PAX8: variants seen among roughly 807,000 people sequenced by gnomAD.
The protein encoded by PAX8 is paired box protein Pax-8.
In PAX8, 15 loss-of-function variants were observed where a neutral mutation model predicts 52.4. The ratio of observed to expected loss-of-function variants is 0.29; its 90% confidence interval spans 0.19 to 0.44. The LOEUF (loss-of-function observed/expected upper bound fraction) is 0.44. PAX8 is among the 20% of genes least tolerant of loss of function. The probability of loss-of-function intolerance (pLI) is 1.00; values close to 1 mark genes in which losing one functional copy is unlikely to be tolerated. For synonymous variants in PAX8, 284 were observed against 249.7 expected (o/e 1.14, Z -1.29); for missense variants, 554 against 602.5 (o/e 0.92, Z 0.84).
At chr2:113,233,326 G>A (rs1352933785) in intron 9 of PAX8, among the ~76,000 whole-genome samples, 16 of 41,144 alleles carry the variant, frequency 3.9e-4, no homozygotes, top group Non-Finnish European at 5.6e-4. Flanking sequence ...TGGGATGTAC[G>A]GAGGAAAAAA....
intron 2 of PAX8, among the ~76,000 whole-genome samples, chr2:113,262,903 AT>A (rs1345357212): frequency 6.6e-6 from 1 of 152,174 alleles, no homozygotes. Flanking sequence ...GAAACAATAA[AT>A]TTCTATTATG....
At chr2:113,235,297 T>G in intron 9 of PAX8, 97 bp downstream of exon 9, 1 of 1,037,352 alleles carries the variant, frequency 9.6e-7, no homozygotes, top group South Asian at 1.6e-5. Context: ...TGGGGGTGGA[T>G]GAGACTGAGG....
chr2:113,269,839 A>G (rs1351931745), intron 2 of PAX8: 1 of 152,252 alleles, frequency 6.6e-6, no homozygotes, highest in Non-Finnish European at 1.5e-5. Context: ...CACACACAGC[A>G]TAACTGCAAA....
chr2:113,221,588 T>A (rs1329178541), intron 10 of PAX8, among the ~76,000 whole-genome samples: 1 of 152,254 alleles, frequency 6.6e-6, no homozygotes, highest in Non-Finnish European at 1.5e-5. Flanking sequence ...AAAATATGTA[T>A]TAAATGCTTA....
chr2:113,270,310 G>A (rs910847023), intron 2 of PAX8: 12 of 152,202 alleles, frequency 7.9e-5, no homozygotes. Flanking sequence ...TGTGCCAGGT[G>A]AGGAGACAGG....
intron 2 of PAX8, among the ~76,000 whole-genome samples, chr2:113,255,965 C>T (rs1421611952): frequency 6.7e-6 from 1 of 149,456 alleles, no homozygotes; most frequent in African/African-American, 2.5e-5. Context: ...GGCAGTGCTG[C>T]ATGCATATGC....
Position 113,278,420 on chromosome 2 carries a change from C to A in PAX8, c.-26G>T. On this transcript the variant is annotated 5_prime_UTR_variant, in exon 2 of 12. Coordinates refer to ENST00000429538, the MANE Select transcript of PAX8 (RefSeq NM_003466.4). ...CGCCGGGGAGTCGCTCGCAGCCCGC[C>A]GAGGGCTCGGGGCTTCCTCCCGTAG... The A allele has an allele frequency of 6.2e-7, 1 of 1,610,562 alleles. No homozygotes were observed. The highest frequency in any genetic ancestry group is 1.1e-5 in the South Asian group (1 of 90,866).
At chr2:113,245,516 T>C (rs1045029967) in intron 3 of PAX8, among the ~76,000 whole-genome samples, 1 of 152,194 alleles carries the variant, frequency 6.6e-6, no homozygotes, top group African/African-American at 2.4e-5. Flanking sequence ...AAGTTGAAGC[T>C]TCTCCTCATG....
At chr2:113,270,392 G>A (rs781273713) in intron 2 of PAX8, 6 of 152,228 alleles carry the variant, frequency 3.9e-5, no homozygotes, top group Non-Finnish European at 5.9e-5. Context: ...CAAGCCCAGA[G>A]AGACATCTGA....
intron 2 of PAX8, among the ~76,000 whole-genome samples, chr2:113,263,768 G>A (rs1692858721): frequency 6.6e-6 from 1 of 152,152 alleles, no homozygotes; most frequent in African/African-American, 2.4e-5. Context: ...GAAAGACTGT[G>A]GGTGGGCTGT....
Position 113,220,069 on chromosome 2 carries a change from CCTGGG to C in PAX8, c.1276+18_1276+22del. ...CTCCATCCATCCTGCCCAGCAGAGG[CCTGGG>C]CAGCCCCAGGGACTTACTCAGCAAG... On this transcript the variant is annotated intron_variant, in intron 11 of 11. Coordinates refer to ENST00000429538, the MANE Select transcript of PAX8 (RefSeq NM_003466.4). 6.3e-7 allele frequency: 1 copy of C among 1,575,750 alleles called. No homozygotes were observed. Among genetic ancestry groups the C allele is most frequent in the Non-Finnish European group, 8.7e-7 (1 of 1,148,858 alleles).
intron 9 of PAX8, among the ~76,000 whole-genome samples, chr2:113,230,876 C>T (rs1689849665): frequency 6.6e-6 from 1 of 152,190 alleles, no homozygotes; most frequent in African/African-American, 2.4e-5. Flanking sequence ...ATTCCATCTC[C>T]TCTACACCCA....
intron 9 of PAX8, among the ~76,000 whole-genome samples, chr2:113,233,697 A>C (rs999088688): frequency 6.6e-6 from 1 of 151,820 alleles, no homozygotes; most frequent in Non-Finnish European, 1.5e-5. Context: ...AAAAACAAAA[A>C]AAAAAGGGTC....
intron 2 of PAX8, among the ~76,000 whole-genome samples, chr2:113,247,243 G>C (rs1470664102): frequency 6.6e-6 from 1 of 152,228 alleles, no homozygotes; most frequent in Non-Finnish European, 1.5e-5. Flanking sequence ...AAGTGTGTAA[G>C]GAATTGAGGA....
In PAX8 at chr2:113,258,176, T is replaced by C. The variant is rs193133547; in HGVS notation, c.26-11257A>G. Among the ~76,000 whole-genome samples, 510 of 152,290 alleles carry C rather than the reference T, an allele frequency of 3.3e-3. 11 individuals carry two copies. Among genetic ancestry groups the C allele is most frequent in the Middle Eastern group, 0.024 (7 of 294 alleles). On this transcript the variant is annotated intron_variant, in intron 2 of 11. Coordinates refer to ENST00000429538, the MANE Select transcript of PAX8 (RefSeq NM_003466.4). The stretch of plus-strand genomic sequence containing the variant: ...CTTCCAAGTCCTCTCCAGCTTTTCA[T>C]TTTCTTGGGGCCTAATTTTTCCTTT...
chr2:113,218,803 G>A (rs1256121049), intron 11 of PAX8, among the ~76,000 whole-genome samples, 194 bp from the exon 12 acceptor site: 1 of 152,126 alleles, frequency 6.6e-6, no homozygotes, highest in Admixed American at 6.5e-5. Flanking sequence ...TGAGTTTCTG[G>A]CCAGAATGAG....
intron 2 of PAX8, among the ~76,000 whole-genome samples, chr2:113,265,048 G>A (rs75832520): frequency 1.2e-3 from 178 of 152,346 alleles, no homozygotes; most frequent in African/African-American, 4.1e-3. Context: ...GGAAGTGCAA[G>A]GAGAAATCTG....
intron 2 of PAX8, among the ~76,000 whole-genome samples, chr2:113,247,582 A>G (rs1691435344): frequency 6.6e-6 from 1 of 152,156 alleles, no homozygotes; most frequent in African/African-American, 2.4e-5. Context: ...CATAGATAGC[A>G]CTGGGTTCCA....
chr2:113,243,309 T>A (rs1476536506), intron 4 of PAX8, among the ~76,000 whole-genome samples: 1 of 152,208 alleles, frequency 6.6e-6, no homozygotes, highest in Non-Finnish European at 1.5e-5. Context: ...GCCCCCAGCC[T>A]CTGAAAGGTC....
Sources: allele counts gnomAD v4.1 joint callset (sites outside exome capture counted in the v4.1 genomes callset), GRCh38; gene constraint gnomAD v4.1.1; transcripts MANE v1.5; gene names NCBI Gene and HGNC (gene_info 2026-07-23, HGNC 2026-07-21).